The following VGLL4 variants were observed in gnomAD, a reference collection of about 807,000 sequenced individuals.
The protein encoded by VGLL4 is vestigial like family member 4.
VGLL4 carries 7 observed loss-of-function variants against 21.0 expected under a neutral mutation model. The observed-to-expected ratio is 0.33, with a 90% CI of 0.19 to 0.63. The LOEUF (loss-of-function observed/expected upper bound fraction) is 0.63, where lower values mean the gene tolerates loss of function less well. VGLL4 is among the 20% of genes least tolerant of loss of function. The pLI, the probability that VGLL4 is intolerant of heterozygous loss-of-function variation, is 0.78. For synonymous variants in VGLL4, 222 were observed against 173.2 expected (o/e 1.28, Z -2.21); for missense variants, 394 against 425.7 (o/e 0.93, Z 0.66).
At chr3:11,570,748 T>C (rs572247801) in intron 2 of VGLL4, among the ~76,000 whole-genome samples, 2 of 152,328 alleles carry the variant, frequency 1.3e-5, no homozygotes, top group African/African-American at 4.8e-5. Flanking sequence ...GTGAGATGTC[T>C]TCTCCCTTTT....
intron 1 of VGLL4, among the ~76,000 whole-genome samples, chr3:11,615,871 G>T (rs2075152177): frequency 6.6e-6 from 1 of 152,160 alleles, no homozygotes; most frequent in Non-Finnish European, 1.5e-5. Flanking sequence ...AATAAAGCAG[G>T]TGCTTAGCAA....
At chr3:11,685,200 G>GTTTT (rs34267340) in intron 2 of VGLL4, among the ~76,000 whole-genome samples, 1 of 132,418 alleles carries the variant, frequency 7.6e-6, no homozygotes, top group East Asian at 2.1e-4. Context: ...CCATGGTGTT[G>GTTTT]TTTTTTTTTT....
At chr3:11,693,183 A>AG in intron 2 of VGLL4, 1 of 190,218 alleles carries the variant, frequency 5.3e-6, no homozygotes, top group Non-Finnish European at 1.2e-5. Context: ...AAAAAAAAAA[A>AG]GTAAATGAAA....
At chr3:11,573,283 GAAAGA>G (rs2073877814) in intron 2 of VGLL4, among the ~76,000 whole-genome samples, 1 of 13,504 alleles carries the variant, frequency 7.4e-5, no homozygotes, top group Admixed American at 9.6e-4. Context: ...AAGAAAGAAA[GAAAGA>G]AAGAAAGAAA....
intron 1 of VGLL4, among the ~76,000 whole-genome samples, chr3:11,630,287 T>A (rs1360958595): frequency 6.6e-6 from 1 of 152,200 alleles, no homozygotes; most frequent in Admixed American, 6.5e-5. Flanking sequence ...CACCTTAATA[T>A]TGTCCATAAA....
chr3:11,639,832 C>A (rs532392681), intron 1 of VGLL4, among the ~76,000 whole-genome samples: 1 of 151,932 alleles, frequency 6.6e-6, no homozygotes, highest in Non-Finnish European at 1.5e-5. Context: ...GTGGAGATGG[C>A]GCCACTGCAC....
At chr3:11,650,718 AACACACACACACAC>A (rs10539636) in intron 2 of VGLL4, among the ~76,000 whole-genome samples, 1 of 147,522 alleles carries the variant, frequency 6.8e-6, no homozygotes, top group Admixed American at 7.1e-5. Context: ...ACACATAGAA[AACACACACACACAC>A]ACACACACAC....
intron 3 of VGLL4, among the ~76,000 whole-genome samples, chr3:11,563,058 A>G (rs1291692474): frequency 6.6e-6 from 1 of 152,228 alleles, no homozygotes; most frequent in African/African-American, 2.4e-5. Flanking sequence ...CCGAAAACCA[A>G]CTGCAAGATT....
intron 2 of VGLL4, among the ~76,000 whole-genome samples, chr3:11,674,196 C>T (rs1203392328): frequency 6.6e-6 from 1 of 151,952 alleles, no homozygotes; most frequent in African/African-American, 2.4e-5. Flanking sequence ...TGCAATATCT[C>T]AAAATTTATC....
chr3:11,655,788 T>G (rs566201777), intron 2 of VGLL4, among the ~76,000 whole-genome samples: 2 of 152,310 alleles, frequency 1.3e-5, no homozygotes, highest in East Asian at 3.9e-4. Context: ...CATAGGAGCC[T>G]GCCCTCAGAG....
Position 11,719,745 on chromosome 3 carries a change from G to A in VGLL4, c.-14+649C>T, listed in dbSNP as rs1356422068. 4 of 152,210 alleles carry A rather than the reference G, an allele frequency of 2.6e-5. No individual in the cohort carries two copies. The highest frequency in any genetic ancestry group is 5.9e-5 in the Non-Finnish European group (4 of 68,072). 9.4% of individuals were successfully genotyped at this position (152,210 alleles called of 1,614,324 possible). Reference sequence around the variant, plus strand: ...GTGGGGGCTGAGCCAGGTGAGCCGGGAGGGAGATAGGGGCGAGGCCTCCCG... The same window carrying A: ...GTGGGGGCTGAGCCAGGTGAGCCGGAAGGGAGATAGGGGCGAGGCCTCCCG... On this transcript the variant is annotated intron_variant, in intron 1 of 5. Transcript: ENST00000273038. This position sits in a 1 kb window ranked among gnomAD's most constrained non-coding sequence, Gnocchi z 4.0.
In VGLL4 at chr3:11,676,317, G is replaced by A. The variant is rs1351941501; in HGVS notation, c.64+26654C>T. Among the ~76,000 whole-genome samples the A allele has an allele frequency of 5.3e-5, 8 of 151,978 alleles. No individual in the cohort carries two copies. The East Asian group carries it at 1.5e-3, about 29-fold the overall frequency. On this transcript the variant is annotated intron_variant, in intron 2 of 5. Transcript: ENST00000273038. The stretch of plus-strand genomic sequence containing the variant: ...CAGAAGAATGGCGTGAACCCAGGAG[G>A]CGGAGCTTGCAGTGAGCCGAGATTG...
intron 2 of VGLL4, among the ~76,000 whole-genome samples, chr3:11,597,048 A>C (rs73814908): frequency 5.1e-4 from 77 of 152,238 alleles, no homozygotes; most frequent in African/African-American, 1.8e-3. Context: ...ACCACAAGGA[A>C]ATAATGGAGG....
At chr3:11,566,197 TACAC>T (rs960209982) in intron 2 of VGLL4, among the ~76,000 whole-genome samples, 8 of 152,002 alleles carry the variant, frequency 5.3e-5, no homozygotes, top group Admixed American at 2.6e-4. Context: ...CACAGAATGT[TACAC>T]ACACACTGAA....
intron 1 of VGLL4, among the ~76,000 whole-genome samples, chr3:11,605,525 T>C: frequency 6.6e-6 from 1 of 151,806 alleles, no homozygotes; most frequent in Non-Finnish European, 1.5e-5. Flanking sequence ...AACTTGTTCT[T>C]CCCCCAATCT....
In VGLL4 at chr3:11,565,911, G is replaced by A. The variant is rs2073469506; in HGVS notation, c.273-892C>T. On this transcript the variant is annotated intron_variant, in intron 2 of 4. Coordinates refer to ENST00000430365, the MANE Select transcript of VGLL4 (RefSeq NM_001128219.3). This position sits in a 1 kb window ranked among gnomAD's most constrained non-coding sequence, Gnocchi z 4.1. ...GGGGTCCCACAGTTCCATCTGCCTT[G>A]GGTCTTGCCCCTTCAATCCACCATA... 1.3e-5 allele frequency among the ~76,000 whole-genome samples: 2 copies of A among 152,128 alleles called. No homozygotes were observed. The highest frequency in any genetic ancestry group is 4.8e-5 in the African/African-American group (2 of 41,408).
chr3:11,654,901 A>G (rs2075933198), intron 2 of VGLL4, among the ~76,000 whole-genome samples: 1 of 152,248 alleles, frequency 6.6e-6, no homozygotes, highest in Non-Finnish European at 1.5e-5. Context: ...TTTTTGTTGA[A>G]AAATATTCAA....
At chr3:11,710,032 C>T (rs747176058) in intron 1 of VGLL4, among the ~76,000 whole-genome samples, 2 of 152,220 alleles carry the variant, frequency 1.3e-5, no homozygotes, top group Non-Finnish European at 2.9e-5. Context: ...GAAGCCAGCA[C>T]ATGACATGGC....
intron 2 of VGLL4, among the ~76,000 whole-genome samples, chr3:11,651,434 C>A (rs2075871428): frequency 6.6e-6 from 1 of 151,880 alleles, no homozygotes; most frequent in Non-Finnish European, 1.5e-5. Context: ...ACCAAACTTT[C>A]TTTTCTTTTA....
Sources: gnomAD v4.1 joint callset for allele counts (sites outside exome capture counted in the v4.1 genomes callset) on GRCh38, gnomAD v4.1.1 for gene constraint, Gnocchi (gnomAD v3.1) non-coding constraint, MANE v1.5 for transcripts, NCBI Gene and HGNC (gene_info 2026-07-23, HGNC 2026-07-21) for gene names.